IGSF9B: variants seen among roughly 807,000 people sequenced by gnomAD.
IGSF9B encodes protein turtle homolog B.
A neutral mutation model predicts 143.7 loss-of-function variants in IGSF9B; 48 were observed. The ratio of observed to expected loss-of-function variants is 0.33; its 90% CI spans 0.26 to 0.42. IGSF9B has a LOEUF of 0.42. IGSF9B is among the 20% of genes least tolerant of loss of function. The pLI is 1.00. For synonymous variants in IGSF9B, 903 were observed against 833.1 expected (o/e 1.08, Z -1.44); for missense variants, 1,706 against 1,980.0 (o/e 0.86, Z 2.63).
At chr11:133,925,391 G>A (rs1010421542) in intron 14 of IGSF9B, among the ~76,000 whole-genome samples, 1 of 152,200 alleles carries the variant, frequency 6.6e-6, no homozygotes, top group Non-Finnish European at 1.5e-5. Flanking sequence ...AATTCTTCTT[G>A]GAACTTCTCT....
At chr11:133,940,411 C>A (rs1375939707) in intron 3 of IGSF9B, among the ~76,000 whole-genome samples, 1 of 146,826 alleles carries the variant, frequency 6.8e-6, no homozygotes, top group African/African-American at 2.5e-5. Flanking sequence ...GAAACATACA[C>A]CTTGCACGTC....
chr11:133,944,022 C>G (rs555244707), intron 3 of IGSF9B, among the ~76,000 whole-genome samples, 198 bp downstream of exon 3: 6 of 152,380 alleles, frequency 3.9e-5, no homozygotes, highest in Non-Finnish European at 8.8e-5. Flanking sequence ...CCTGCACTGC[C>G]TGCACAGGCT....
chr11:133,927,120 G>A (rs1266867937), intron 12 of IGSF9B, 29 bp from the exon 13 acceptor site: 1 of 1,525,620 alleles, frequency 6.6e-7, no homozygotes. Context: ...CAGGATAGGG[G>A]ACGAGGGGCG....
intron 3 of IGSF9B, among the ~76,000 whole-genome samples, chr11:133,940,256 CTCGCACGCGTCA>C (rs1212974950): frequency 7.4e-6 from 1 of 135,826 alleles, no homozygotes; most frequent in African/African-American, 2.7e-5. Context: ...CTCGCACGTC[CTCGCACGCGTCA>C]TCGCACGCAG....
At position 133,913,184 on chromosome 11, in the gene IGSF9B, G is replaced by A. The variant is rs1374430535; in HGVS notation, c.3984-1177C>T. 9.2e-5 allele frequency among the ~76,000 whole-genome samples: 14 copies of A among 152,080 alleles called. No homozygotes were observed. The highest frequency in any genetic ancestry group is 3.4e-4 in the African/African-American group (14 of 41,386). On this transcript the variant is annotated intron_variant, in intron 18 of 19. Coordinates refer to ENST00000533871, the MANE Select transcript of IGSF9B (RefSeq NM_001277285.4). The surrounding 1 kb of genome is among the most constrained non-coding windows in gnomAD (Gnocchi z 4.6). ...GGGCCACGGCGGACAGGCGTGCCTC[G>A]CTCTTCTTCTCCTGGACCCCCCAAC... is the stretch of plus-strand genomic sequence containing the variant.
Position 133,930,967 on chromosome 11 carries a change from C to T in IGSF9B, c.1519+17G>A, listed in dbSNP as rs377622319. On this transcript the variant is annotated intron_variant, in intron 11 of 19. Transcript: ENST00000533871. ...GCTCTGTCCCCGCCGCCCGGCCCAG[C>T]CTTGCCGGCCACGTACCGATGACGG... is the stretch of plus-strand genomic sequence containing the variant. The T allele has an allele frequency of 2.4e-5, 38 of 1,599,582 alleles. No homozygotes were observed. The highest frequency in any genetic ancestry group is 3.2e-5 in the Non-Finnish European group (38 of 1,172,376).
At position 133,903,971 on chromosome 11, in the gene IGSF9B, A is replaced by T. The variant is rs572872352; in HGVS notation, c.*5098T>A. On this transcript the variant is annotated 3_prime_UTR_variant, in exon 20 of 20. Coordinates refer to ENST00000533871, the MANE Select transcript of IGSF9B (RefSeq NM_001277285.4). ...TTAATCTAAAAAGAAGCAGAGCTGG[A>T]GACATTAAAGAGAGAAGAATGGCTG... Among the ~76,000 whole-genome samples, 1 of 152,350 alleles carries T rather than the reference A, an allele frequency of 6.6e-6. No homozygotes were observed. Among genetic ancestry groups the T allele is most frequent in the East Asian group, 1.9e-4 (1 of 5,182 alleles).
chr11:133,920,577 G>A lies in IGSF9B; in HGVS notation c.3148C>T (p.Leu1050=). ...WGRPEFPFGG[L]ETPAMMFPHQ... is the part of the protein sequence containing the mutation. The stretch of plus-strand genomic sequence containing the variant: ...GGGAACATCATCGCTGGGGTCTCCA[G>A]CCCCCCGAAGGGGAATTCTGGCCGG... Residue 1050 remains leucine (L), a synonymous_variant, in exon 18 of 20, where the codon CTG becomes TTG. Transcript: ENST00000533871. 6.2e-7 allele frequency: 1 copy of A among 1,613,322 alleles called. No homozygotes were observed. Among genetic ancestry groups the A allele is most frequent in the Non-Finnish European group, 8.5e-7 (1 of 1,179,692 alleles).
chr11:133,951,228 G>T (rs1324942365), intron 1 of IGSF9B, among the ~76,000 whole-genome samples: 1 of 152,186 alleles, frequency 6.6e-6, no homozygotes, highest in African/African-American at 2.4e-5. Context: ...CTCCCTGCAG[G>T]AAGGCAGACG....
chr11:133,920,262 G>T lies in IGSF9B; in HGVS notation c.3463C>A (p.Pro1155Thr), dbSNP rs1240454427. ...GTGCTGGGGCCGCCGTGCGCCCCCG[G>T]CTCAGCCGGCTCGGGGTAAGGCAGC... The part of the protein sequence containing the change: ...PVLPYPEPAE[P>T]GAHGGPSTFG... Residue 1155 changes from proline to threonine, a missense_variant, in exon 18 of 20, where the codon CCG becomes ACG. Transcript: ENST00000533871. The T allele has an allele frequency of 4.6e-6, 7 of 1,519,234 alleles. No homozygotes were observed. In the African/African-American group the frequency reaches 9.8e-5, roughly 21 times the overall value. The allele number at this position is 1,519,234 out of a possible 1,614,324, so 94.1% of individuals were successfully genotyped here.
At chr11:133,929,840 CCCA>C (rs1480268708) in intron 11 of IGSF9B, 58 bp from the exon 12 acceptor site, 1 of 1,184,624 alleles carries the variant, frequency 8.4e-7, no homozygotes. Flanking sequence ...TGGCTGGGTG[CCCA>C]CCGTCTGGCT....
At position 133,898,531 on chromosome 11, in the gene IGSF9B, G is replaced by A. The variant is rs1939060872; in HGVS notation, c.*10538C>T. On this transcript the variant is annotated 3_prime_UTR_variant, in exon 20 of 20. Transcript: ENST00000533871. Reference sequence around the variant, plus strand: ...ACCAAGGGGCAGGAGTCACTGACATGAAGCGGGATGTGGTCCCTTCACGTC... The same window carrying A: ...ACCAAGGGGCAGGAGTCACTGACATAAAGCGGGATGTGGTCCCTTCACGTC... The A allele has an allele frequency of 1.9e-5, 3 of 154,376 alleles. No individual in the cohort carries two copies. The highest frequency in any genetic ancestry group is 6.5e-5 in the Admixed American group (1 of 15,292). 9.6% of individuals were successfully genotyped at this position (154,376 alleles called of 1,614,324 possible). A position where few individuals can be genotyped will look rare whatever the true frequency, so the allele number is the denominator to read the frequency against.
rs979707910 is a variant in IGSF9B at position 133,906,094 on chromosome 11, A to C, written c.*2975T>G. ...AAGGCCGCCAGACCGTAAAAGGGGA[A>C]GTTTGGAAGGCGTGATCTCCTACAG... is the stretch of plus-strand genomic sequence containing the variant. On this transcript the variant is annotated 3_prime_UTR_variant, in exon 20 of 20. Coordinates refer to ENST00000533871, the MANE Select transcript of IGSF9B (RefSeq NM_001277285.4). 2.0e-5 allele frequency among the ~76,000 whole-genome samples: 3 copies of C among 152,206 alleles called. No homozygotes were observed. The highest frequency in any genetic ancestry group is 4.4e-5 in the Non-Finnish European group (3 of 68,038).
intron 12 of IGSF9B, 54 bp downstream of exon 12, chr11:133,929,617 G>C: frequency 2.3e-6 from 3 of 1,318,064 alleles, no homozygotes; most frequent in Non-Finnish European, 3.3e-6. Context: ...GGAAGACCGG[G>C]GAGGGGAGAA....
chr11:133,950,866 GCCT>G (rs35266790), intron 1 of IGSF9B, among the ~76,000 whole-genome samples: 56,487 of 150,442 alleles, frequency 0.38, 11,281 homozygotes, highest in Middle Eastern at 0.5. Context: ...CCTTATTGCA[GCCT>G]CCTCCTCCTC....
intron 15 of IGSF9B, among the ~76,000 whole-genome samples, chr11:133,923,885 C>A (rs1463690394): frequency 6.6e-6 from 1 of 152,252 alleles, no homozygotes; most frequent in Non-Finnish European, 1.5e-5. Context: ...AAGCTCTCAT[C>A]CCTGTTCCTC....
At chr11:133,943,681 G>A (rs1207384734) in intron 3 of IGSF9B, among the ~76,000 whole-genome samples, 2 of 152,222 alleles carry the variant, frequency 1.3e-5, no homozygotes, top group South Asian at 4.1e-4. Context: ...ACCCCGCACA[G>A]GCAGGGACTG....
Position 133,920,459 on chromosome 11 carries a change from G to A in IGSF9B, c.3266C>T (p.Ala1089Val), listed in dbSNP as rs372409061. 39 of 1,565,014 alleles carry A rather than the reference G, an allele frequency of 2.5e-5. No homozygotes were observed. Among genetic ancestry groups the A allele is most frequent in the South Asian group, 1.4e-4 (12 of 84,438 alleles). The change falls in exon 18 of 20, where the codon GCG (alanine) becomes GTG (valine). Residue 1089 changes from alanine to valine, a missense_variant. Around this residue, in one of 7 missense-constraint regions of IGSF9B, gnomAD observed 880 missense variants for 762.9 expected, o/e 1.15. Coordinates refer to ENST00000533871, the MANE Select transcript of IGSF9B (RefSeq NM_001277285.4). Reference sequence around the variant, plus strand: ...CAGAGACAGGATGCCCGGGTAGGCCGCGGGCACCTGCAGGGAGGTGGGGGG... The same window carrying A: ...CAGAGACAGGATGCCCGGGTAGGCCACGGGCACCTGCAGGGAGGTGGGGGG... ...GLPPTSLQVPAAYPGILSLEA... is the reference protein window; with the variant it reads ...GLPPTSLQVPVAYPGILSLEA...
intron 12 of IGSF9B, 96 bp downstream of exon 12, chr11:133,929,575 C>T: frequency 6.9e-6 from 6 of 873,702 alleles, no homozygotes; most frequent in Non-Finnish European, 1.1e-5. Flanking sequence ...CTGCAGCCTC[C>T]TCCTACCTCC....
Sources: gnomAD v4.1 joint callset for allele counts (sites outside exome capture counted in the v4.1 genomes callset) on GRCh38, gnomAD v4.1.1 for gene constraint, gnomAD v4.1.1 regional missense constraint, Gnocchi (gnomAD v3.1) non-coding constraint, MANE v1.5 for transcripts, NCBI Gene and HGNC (gene_info 2026-07-23, HGNC 2026-07-21) for gene names.